The following KNL1 variants were observed in gnomAD, a reference collection of about 807,000 sequenced individuals.
KNL1 encodes the protein outer kinetochore KNL1 complex subunit KNL1.
In KNL1, 66 loss-of-function variants were observed where a neutral mutation model predicts 201.3. The observed-to-expected ratio is 0.33, with a 90% CI of 0.27 to 0.40. The LOEUF (loss-of-function observed/expected upper bound fraction) is 0.40. KNL1 is among the 10% of genes least tolerant of loss of function. The pLI, the probability that KNL1 is intolerant of heterozygous loss-of-function variation, is 1.00. For synonymous variants in KNL1, 895 were observed against 899.2 expected (o/e 1.00, Z 0.08); for missense variants, 2,815 against 2,690.5 (o/e 1.05, Z -1.02).
intron 1 of KNL1, among the ~76,000 whole-genome samples, chr15:40,594,610 A>T (rs1340693165): frequency 6.6e-6 from 1 of 151,766 alleles, no homozygotes; most frequent in Non-Finnish European, 1.5e-5. Context: ...CTTCCCTAAC[A>T]CTTCTCCGCC....
intron 21 of KNL1, among the ~76,000 whole-genome samples, chr15:40,654,489 A>C (rs1020780237): frequency 6.6e-5 from 10 of 151,876 alleles, no homozygotes; most frequent in African/African-American, 2.4e-4. Context: ...ATAACCCTTC[A>C]ACTTCCTGTG....
At chr15:40,625,852 G>A in intron 10 of KNL1, 1 of 464,838 alleles carries the variant, frequency 2.2e-6, no homozygotes, top group Non-Finnish European at 3.8e-6. Context: ...GTGACAAATA[G>A]TCACAAAAAA....
chr15:40,651,264 A>G (rs534920875), intron 19 of KNL1, among the ~76,000 whole-genome samples: 3 of 149,524 alleles, frequency 2.0e-5, no homozygotes, highest in Non-Finnish European at 4.4e-5. Context: ...TGCCTTTCCC[A>G]GGTAGACCCA....
intron 22 of KNL1, among the ~76,000 whole-genome samples, chr15:40,656,604 A>C (rs918098127): frequency 2.0e-5 from 3 of 151,186 alleles, no homozygotes; most frequent in African/African-American, 7.3e-5. Flanking sequence ...GAGAGAATAC[A>C]TCTGGGCATG....
chr15:40,613,965 T>A (rs1892257683), intron 7 of KNL1, among the ~76,000 whole-genome samples: 1 of 150,040 alleles, frequency 6.7e-6, no homozygotes. Flanking sequence ...GCCTGGCTCA[T>A]TTTTTTGTAT....
intron 13 of KNL1, among the ~76,000 whole-genome samples, chr15:40,638,066 A>G (rs1473916585): frequency 1.3e-5 from 2 of 152,026 alleles, no homozygotes; most frequent in African/African-American, 4.8e-5. Flanking sequence ...CTGTAGTCCC[A>G]GCTACTCGGG....
At chr15:40,602,875 CT>C in intron 1 of KNL1, 39 bp from the exon 2 acceptor site, 3 of 1,154,196 alleles carry the variant, frequency 2.6e-6, no homozygotes, top group Non-Finnish European at 2.6e-6. Flanking sequence ...GTTGCTCTTC[CT>C]TTTTCCTCAT....
rs1892539146 is a variant in KNL1 at position 40,621,762 on chromosome 15, A to G, written c.1498A>G (p.Lys500Glu). The change falls in exon 10 of 26, where the codon AAA becomes GAA. Residue 500 changes from lysine to glutamate, a missense_variant. This residue lies in a region of KNL1 where 2,464 missense variants were observed against 2,291.7 expected (regional missense o/e 1.08). Transcript: ENST00000399668. ...HTVAIDNQIF[K>E]QDQSNVQIAA... ...AGTTGCAATAGATAATCAAATTTTT[A>G]AACAAGATCAATCAAATGTGCAAAT... 2 of 1,613,856 alleles carry G rather than the reference A, an allele frequency of 1.2e-6. No individual in the cohort carries two copies.
At chr15:40,660,933 A>G (rs1236051028) in intron 25 of KNL1, among the ~76,000 whole-genome samples, 2 of 152,180 alleles carry the variant, frequency 1.3e-5, no homozygotes, top group Admixed American at 6.5e-5. Flanking sequence ...ACTGGCCTCC[A>G]GCCTGGGTGA....
At chr15:40,625,883 A>G in intron 10 of KNL1, 1 of 422,804 alleles carries the variant, frequency 2.4e-6, no homozygotes. Flanking sequence ...AAATTGTACA[A>G]AAAGTAGCCA....
intron 25 of KNL1, among the ~76,000 whole-genome samples, chr15:40,660,146 G>A (rs1893866737): frequency 2.0e-5 from 3 of 151,992 alleles, no homozygotes; most frequent in South Asian, 4.2e-4. Context: ...TCTTGACCTC[G>A]TGATCTGCCC....
chr15:40,621,319 G>C lies in KNL1; in HGVS notation c.1055G>C (p.Gly352Ala). ...QTQNAMDVTTGYGTKASGNKT... is the reference protein window; with the variant it reads ...QTQNAMDVTTAYGTKASGNKT... ...CAGAATGCCATGGATGTAACAACAG[G>C]TTATGGAACTAAAGCTTCAGGAAAT... Residue 352 changes from glycine to alanine, a missense_variant, in exon 10 of 26, where the codon GGT becomes GCT. Transcript: ENST00000399668. 2 of 1,613,668 alleles carry C rather than the reference G, an allele frequency of 1.2e-6. No homozygotes were observed. Among genetic ancestry groups the C allele is most frequent in the Non-Finnish European group, 1.7e-6 (2 of 1,179,824 alleles).
At position 40,606,883 on chromosome 15, in the gene KNL1, C is replaced by G. The variant is rs530456236; in HGVS notation, c.135+431C>G. On this transcript the variant is annotated intron_variant, in intron 4 of 25. Coordinates refer to ENST00000399668, the MANE Select transcript of KNL1 (RefSeq NM_144508.5). ...CAAGAGATCCTCCCACCTTAGCCTC[C>G]TGAGTAACTAGGCCTACAGGAACAT... Among the ~76,000 whole-genome samples the G allele has an allele frequency of 1.0e-3, 152 of 152,320 alleles. 1 individual carries two copies. Among genetic ancestry groups the G allele is most frequent in the African/African-American group, 3.6e-3 (148 of 41,562 alleles).
At chr15:40,659,303 T>C (rs1893833817) in intron 24 of KNL1, 36 bp from the exon 25 acceptor site, 1 of 1,581,386 alleles carries the variant, frequency 6.3e-7, no homozygotes, top group African/African-American at 1.4e-5. Flanking sequence ...TGCTATTATT[T>C]GTTGCATTTT....
chr15:40,596,859 G>T (rs1224413843), intron 1 of KNL1, among the ~76,000 whole-genome samples: 1 of 151,834 alleles, frequency 6.6e-6, no homozygotes, highest in East Asian at 2.0e-4. Flanking sequence ...AATTAGCCAA[G>T]CGTGGTGGCG....
chr15:40,621,851 T>G lies in KNL1; in HGVS notation c.1587T>G (p.Asp529Glu). 1.2e-6 allele frequency: 2 copies of G among 1,614,056 alleles called. No individual in the cohort carries two copies. The highest frequency in any genetic ancestry group is 2.7e-5 in the African/African-American group (2 of 75,036). ...MLQNLMTTSE[D>E]GKMNVNCNSV... ...AAAATCTTATGACCACATCAGAAGA[T>G]GGGAAAATGAATGTAAATTGTAACT... Residue 529 changes from aspartate (D) to glutamate (E), a missense_variant, in exon 10 of 26, where the codon GAT (aspartate) becomes GAG (glutamate). This residue lies in a region of KNL1 where 2,464 missense variants were observed against 2,291.7 expected (regional missense o/e 1.08). Coordinates refer to ENST00000399668, the MANE Select transcript of KNL1 (RefSeq NM_144508.5).
chr15:40,652,067 A>C lies in KNL1; in HGVS notation c.6377A>C (p.Asp2126Ala), dbSNP rs1893581868. The C allele has an allele frequency of 6.2e-7, 1 of 1,613,634 alleles. No individual in the cohort carries two copies. The highest frequency in any genetic ancestry group is 1.3e-5 in the African/African-American group (1 of 74,908). The change falls in exon 21 of 26, where the codon GAC becomes GCC. Residue 2126 changes from aspartate (D) to alanine (A), a missense_variant. Around this residue, in one of 3 missense-constraint regions of KNL1, gnomAD observed 334 missense variants for 362.6 expected, o/e 0.92. Coordinates refer to ENST00000399668, the MANE Select transcript of KNL1 (RefSeq NM_144508.5). ...DDQAVFTFVY[D>A]TIQLTITFEE... ...CAAGCTGTATTCACCTTTGTTTATG[A>C]CACGATACAACTCACCATCACCTTT...
At position 40,647,080 on chromosome 15, in the gene KNL1, G is replaced by A. The variant is rs1394592610; in HGVS notation, c.6094+6G>A. Reference sequence around the variant, plus strand: ...CCTCACTGAGATGGAAACAGGTAAAGTATTTTAAATACTTTTCCAAAAGAA... The same window carrying A: ...CCTCACTGAGATGGAAACAGGTAAAATATTTTAAATACTTTTCCAAAAGAA... On this transcript the variant is annotated splice_donor_region_variant and intron_variant, in intron 17 of 25. Coordinates refer to ENST00000399668, the MANE Select transcript of KNL1 (RefSeq NM_144508.5). The A allele has an allele frequency of 1.2e-5, 17 of 1,371,104 alleles. No homozygotes were observed. The highest frequency in any genetic ancestry group is 1.7e-5 in the Non-Finnish European group (16 of 961,314). 84.9% of individuals were successfully genotyped at this position (1,371,104 alleles called of 1,614,324 possible). A position where few individuals can be genotyped will look rare whatever the true frequency, so the allele number is the denominator to read the frequency against.
At chr15:40,627,701 C>G (rs887468610) in intron 10 of KNL1, among the ~76,000 whole-genome samples, 5 of 152,120 alleles carry the variant, frequency 3.3e-5, no homozygotes, top group Non-Finnish European at 5.9e-5. Flanking sequence ...GGACTCTAGC[C>G]AGGGCCACCA....
Sources: gnomAD v4.1 joint callset for allele counts (sites outside exome capture counted in the v4.1 genomes callset) on GRCh38, gnomAD v4.1.1 for gene constraint, gnomAD v4.1.1 regional missense constraint, MANE v1.5 for transcripts, NCBI Gene and HGNC (gene_info 2026-07-23, HGNC 2026-07-21) for gene names.